Variants in C12orf42 observed in about 807,000 individuals in gnomAD.
C12orf42 encodes the protein uncharacterized protein C12orf42.
Under a neutral mutation model 21.6 loss-of-function variants are expected in C12orf42, and 25 were observed. The ratio of observed to expected loss-of-function variants is 1.16; its 90% CI spans 0.84 to 1.62. C12orf42 has a LOEUF of 1.62. Among genes scored for constraint, C12orf42 ranks in the 40% most tolerant of loss-of-function variants. C12orf42 has a pLI of 0.00. For synonymous variants in C12orf42, 174 were observed against 175.0 expected (o/e 0.99, Z 0.05); for missense variants, 483 against 459.3 (o/e 1.05, Z -0.47).
At chr12:103,493,695 G>A (rs1448068683) in intron 1 of C12orf42, among the ~76,000 whole-genome samples, 13 of 72,580 alleles carry the variant, frequency 1.8e-4, no homozygotes, top group African/African-American at 5.1e-4. Context: ...CAAAGAACAC[G>A]AAAAAAGCAA....
the C12orf42 span, among the ~76,000 whole-genome samples, chr12:103,066,791 CTG>C: frequency 6.6e-6 from 1 of 152,206 alleles, no homozygotes; most frequent in Non-Finnish European, 1.5e-5. Flanking sequence ...GAGTCAAAAA[CTG>C]TGAAAATATT....
chr12:103,447,071 C>T (rs942891796), intron 2 of C12orf42, among the ~76,000 whole-genome samples: 7 of 151,966 alleles, frequency 4.6e-5, no homozygotes, highest in African/African-American at 1.7e-4. Flanking sequence ...TTCTGGTCAT[C>T]AGCACATGGA....
downstream of C12orf42, among the ~76,000 whole-genome samples, chr12:103,233,509 G>A (rs971465296): frequency 6.6e-6 from 1 of 152,038 alleles, no homozygotes; most frequent in Non-Finnish European, 1.5e-5. Flanking sequence ...TCTGAGTTTT[G>A]TAGTTTTTCT....
chr12:103,405,739 T>C (rs1593852779), intron 2 of C12orf42, among the ~76,000 whole-genome samples: 1 of 152,150 alleles, frequency 6.6e-6, no homozygotes, highest in Admixed American at 6.5e-5. Context: ...AACCAGGAGA[T>C]AGCTTTTGAA....
intron 4 of C12orf42, among the ~76,000 whole-genome samples, chr12:103,280,850 G>C (rs1482493435): frequency 6.6e-6 from 1 of 152,172 alleles, no homozygotes; most frequent in Non-Finnish European, 1.5e-5. Context: ...CAAGGGAAGA[G>C]AAAGTGACTT....
intron 4 of C12orf42, among the ~76,000 whole-genome samples, chr12:103,323,178 A>G (rs2040353830): frequency 6.6e-6 from 1 of 152,048 alleles, no homozygotes; most frequent in Admixed American, 6.6e-5. Flanking sequence ...TTTTACCTCC[A>G]AATTCTGGCC....
the C12orf42 span, among the ~76,000 whole-genome samples, chr12:103,189,692 C>T: frequency 1.3e-5 from 2 of 152,168 alleles, no homozygotes; most frequent in African/African-American, 4.8e-5. Context: ...TTCATGCCTG[C>T]ACCCACAAAC....
chr12:103,400,282 C>T (rs1233370897), intron 3 of C12orf42, among the ~76,000 whole-genome samples: 1 of 152,214 alleles, frequency 6.6e-6, no homozygotes, highest in African/African-American at 2.4e-5. Flanking sequence ...CCAGAGGCAT[C>T]ATCTTGCTGC....
chr12:103,240,146 TTACCA>T, intron 10 of C12orf42, among the ~76,000 whole-genome samples: 1 of 152,332 alleles, frequency 6.6e-6, no homozygotes, highest in Non-Finnish European at 1.5e-5. Flanking sequence ...TTATTAGGTG[TTACCA>T]TGTGCTAGGC....
chr12:103,297,079 G>C (rs2037341670), downstream of C12orf42, among the ~76,000 whole-genome samples: 1 of 152,092 alleles, frequency 6.6e-6, no homozygotes, highest in Non-Finnish European at 1.5e-5. Flanking sequence ...TCTACATATG[G>C]CTAGCCAGTT....
downstream of C12orf42, among the ~76,000 whole-genome samples, chr12:103,234,576 A>T (rs1439691227): frequency 3.3e-5 from 5 of 152,066 alleles, no homozygotes; most frequent in Non-Finnish European, 4.4e-5. Context: ...GGGATCATGG[A>T]TCTCACTACA....
intron 10 of C12orf42, among the ~76,000 whole-genome samples, chr12:103,250,056 C>CATCTATCTATCTATCTATCT: frequency 6.7e-6 from 1 of 148,188 alleles, no homozygotes; most frequent in South Asian, 2.2e-4. Flanking sequence ...AAATCAAAGA[C>CATCTATCTATCTATCTATCT]ATCTATCTAT....
chr12:103,340,789 C>T (rs765068765), intron 4 of C12orf42, among the ~76,000 whole-genome samples: 2 of 152,166 alleles, frequency 1.3e-5, no homozygotes, highest in South Asian at 2.1e-4. Flanking sequence ...GCAGATTAAA[C>T]ATTGCAGAAA....
chr12:103,128,803 C>A, the C12orf42 span, among the ~76,000 whole-genome samples: 825 of 152,248 alleles, frequency 5.4e-3, 25 homozygotes, highest in Admixed American at 0.044. Flanking sequence ...TATTAGTCAG[C>A]CTAATAGACT....
downstream of C12orf42, among the ~76,000 whole-genome samples, chr12:103,300,195 T>TAC (rs1024543163): frequency 1.3e-5 from 2 of 152,230 alleles, no homozygotes; most frequent in African/African-American, 2.4e-5. Context: ...CGTATGTGTT[T>TAC]ACACACACAC....
chr12:103,219,003 T>C, the C12orf42 span, among the ~76,000 whole-genome samples: 1 of 152,176 alleles, frequency 6.6e-6, no homozygotes, highest in South Asian at 2.1e-4. Context: ...GGGCAAACAC[T>C]GAGCTAGCTG....
rs766284252 is a variant in C12orf42, at chr12:103,302,087, C to T, written c.*21G>A. 9.4e-6 allele frequency: 15 copies of T among 1,597,924 alleles called. No homozygotes were observed. The highest frequency in any genetic ancestry group is 9.4e-5 in the African/African-American group (7 of 74,574). On this transcript the variant is annotated 3_prime_UTR_variant, in exon 6 of 6. Coordinates refer to ENST00000548883, the MANE Select transcript of C12orf42 (RefSeq NM_198521.5). ...TGATTTGAAGATGGGCAGCACTCGCCGAACAATTCCCTCGCAGCGGTCAAT... is the reference window on the plus strand; with the variant it reads ...TGATTTGAAGATGGGCAGCACTCGCTGAACAATTCCCTCGCAGCGGTCAAT...
the C12orf42 span, among the ~76,000 whole-genome samples, chr12:103,507,108 TAA>T: frequency 6.2e-5 from 1 of 16,234 alleles, no homozygotes; most frequent in Non-Finnish European, 8.0e-5. Flanking sequence ...ATATATAATA[TAA>T]ATATATATTT....
At chr12:103,305,748 A>G (rs1460321132) in intron 5 of C12orf42, among the ~76,000 whole-genome samples, 1 of 152,192 alleles carries the variant, frequency 6.6e-6, no homozygotes, top group East Asian at 1.9e-4. Flanking sequence ...AGGTGCAATA[A>G]CTGAATCATC....
Sources: gnomAD v4.1 joint callset for allele counts (sites outside exome capture counted in the v4.1 genomes callset) on GRCh38, gnomAD v4.1.1 for gene constraint, MANE v1.5 for transcripts, NCBI Gene and HGNC (gene_info 2026-07-23, HGNC 2026-07-21) for gene names.